The following MAD1L1 variants were observed in gnomAD, a reference collection of about 807,000 sequenced individuals.
The protein encoded by MAD1L1 is mitotic arrest deficient 1 like 1, also known as mitotic spindle assembly checkpoint protein MAD1.
A neutral mutation model predicts 96.9 loss-of-function variants in MAD1L1; 95 were observed. The ratio of observed to expected loss-of-function variants is 0.98; its 90% confidence interval spans 0.83 to 1.16. MAD1L1 has a LOEUF of 1.16. Ranked by LOEUF, MAD1L1 falls within the 50% of genes most tolerant of loss-of-function variation. The pLI is 0.00. For synonymous variants in MAD1L1, 473 were observed against 396.6 expected (o/e 1.19, Z -2.29); for missense variants, 1,007 against 954.4 (o/e 1.06, Z -0.73).
chr7:2,128,105 T>A (rs1788324321), intron 11 of MAD1L1, among the ~76,000 whole-genome samples: 1 of 152,168 alleles, frequency 6.6e-6, no homozygotes, highest in South Asian at 2.1e-4. Context: ...TCCGGCCTCA[T>A]CCCCTGTTGA....
Position 2,217,672 on chromosome 7 carries a change from T to C in MAD1L1, c.678+290A>G, listed in dbSNP as rs570180649. On this transcript the variant is annotated intron_variant, in intron 7 of 18. Transcript: ENST00000265854. Reference sequence around the variant, plus strand: ...AGCTTTCTCAACCTCTCTATGCCTGTAGCATCTTCTCACGCTCATCAGCAC... The same window carrying C: ...AGCTTTCTCAACCTCTCTATGCCTGCAGCATCTTCTCACGCTCATCAGCAC... Among the ~76,000 whole-genome samples the C allele has an allele frequency of 1.7e-3, 261 of 152,366 alleles. 1 individual carries two copies. The highest frequency in any genetic ancestry group is 5.9e-3 in the African/African-American group (246 of 41,590).
chr7:2,084,272 G>C (rs369797101), intron 11 of MAD1L1, among the ~76,000 whole-genome samples: 4 of 152,240 alleles, frequency 2.6e-5, no homozygotes, highest in East Asian at 3.9e-4. Flanking sequence ...CAAAGTCCAG[G>C]GGGGACAGAA....
At chr7:2,052,717 C>A (rs1300470048) in intron 12 of MAD1L1, among the ~76,000 whole-genome samples, 2 of 152,226 alleles carry the variant, frequency 1.3e-5, no homozygotes, top group African/African-American at 4.8e-5. Context: ...AAGGGGTACA[C>A]CATCAAAATA....
intron 10 of MAD1L1, among the ~76,000 whole-genome samples, chr7:2,154,359 A>C (rs1789721637): frequency 6.6e-6 from 1 of 152,220 alleles, no homozygotes; most frequent in South Asian, 2.1e-4. Flanking sequence ...CCACAGATGA[A>C]GAGAGTTGAG....
chr7:1,979,338 G>A (rs59513383), intron 15 of MAD1L1, among the ~76,000 whole-genome samples: 2,139 of 152,288 alleles, frequency 0.014, 43 homozygotes, highest in African/African-American at 0.049. Flanking sequence ...GATGCCCAGG[G>A]CCTGGCCTGC....
chr7:1,895,329 T>C (rs893074866), intron 18 of MAD1L1, among the ~76,000 whole-genome samples: 3 of 152,100 alleles, frequency 2.0e-5, no homozygotes, highest in African/African-American at 7.2e-5. Flanking sequence ...GTACCTGCTT[T>C]ACAGATGAGG....
chr7:1,981,179 C>T (rs1209058388), intron 14 of MAD1L1, among the ~76,000 whole-genome samples: 1 of 152,184 alleles, frequency 6.6e-6, no homozygotes, highest in Non-Finnish European at 1.5e-5. Context: ...GTTCTCCAGG[C>T]TGGTCTCGAA....
At chr7:2,127,389 G>C (rs1788282267) in intron 11 of MAD1L1, among the ~76,000 whole-genome samples, 1 of 152,214 alleles carries the variant, frequency 6.6e-6, no homozygotes, top group South Asian at 2.1e-4. Flanking sequence ...AGGGCAGCAG[G>C]GACAGCCCAG....
At chr7:1,992,175 A>T (rs1781383104) in intron 14 of MAD1L1, among the ~76,000 whole-genome samples, 2 of 142,426 alleles carry the variant, frequency 1.4e-5, no homozygotes, top group Non-Finnish European at 1.5e-5. Flanking sequence ...TGCTGGCCTC[A>T]TGAGCACCGC....
intron 10 of MAD1L1, among the ~76,000 whole-genome samples, chr7:2,158,644 C>T (rs1036774343): frequency 6.6e-6 from 1 of 152,248 alleles, no homozygotes; most frequent in Non-Finnish European, 1.5e-5. Context: ...GCATTCACAA[C>T]TGCAAAGTCA....
At chr7:1,854,389 C>A (rs767841662) in intron 18 of MAD1L1, 16 of 466,704 alleles carry the variant, frequency 3.4e-5, no homozygotes, top group African/African-American at 3.0e-4. Flanking sequence ...TTGGTCCACT[C>A]GGCCGCTGCA....
intron 18 of MAD1L1, among the ~76,000 whole-genome samples, chr7:1,887,858 T>TG (rs1562491912): frequency 1.8e-3 from 45 of 24,350 alleles, no homozygotes; most frequent in South Asian, 0.017. Flanking sequence ...CGTGTGTGTG[T>TG]GCACGTGTGT....
intron 12 of MAD1L1, among the ~76,000 whole-genome samples, chr7:2,021,736 G>T (rs1782797339): frequency 6.6e-6 from 1 of 151,812 alleles, no homozygotes; most frequent in Non-Finnish European, 1.5e-5. Context: ...CTGCACTCCA[G>T]CCTGGGCAAC....
intron 10 of MAD1L1, among the ~76,000 whole-genome samples, chr7:2,202,893 C>T (rs1022502347): frequency 6.6e-5 from 10 of 152,238 alleles, no homozygotes; most frequent in Non-Finnish European, 2.9e-5. Context: ...TGAGACTTGT[C>T]ATCTGACCAG....
At chr7:2,141,144 T>C (rs996437772) in intron 11 of MAD1L1, among the ~76,000 whole-genome samples, 1 of 152,214 alleles carries the variant, frequency 6.6e-6, no homozygotes, top group Non-Finnish European at 1.5e-5. Context: ...GTGCTCGCCT[T>C]GCGGGCTCTG....
At chr7:1,878,595 C>T (rs1027036894) in intron 18 of MAD1L1, among the ~76,000 whole-genome samples, 2 of 150,654 alleles carry the variant, frequency 1.3e-5, no homozygotes, top group African/African-American at 2.4e-5. Flanking sequence ...TGACAAAATT[C>T]GACTCTTAGC....
At chr7:1,886,453 T>G (rs1786035022) in intron 18 of MAD1L1, among the ~76,000 whole-genome samples, 1 of 152,188 alleles carries the variant, frequency 6.6e-6, no homozygotes, top group Non-Finnish European at 1.5e-5. Flanking sequence ...ACGCCCCAGC[T>G]AGACAGCAGG....
At chr7:2,067,203 CCGGGGT>C (rs1201996349) in intron 12 of MAD1L1, among the ~76,000 whole-genome samples, 26 of 130,532 alleles carry the variant, frequency 2.0e-4, no homozygotes, top group Admixed American at 5.7e-4. Flanking sequence ...TCGCAGGCAC[CCGGGGT>C]CATCAGGCCA....
intron 14 of MAD1L1, among the ~76,000 whole-genome samples, chr7:2,001,441 G>T (rs1226273750): frequency 2.6e-5 from 4 of 152,262 alleles, no homozygotes; most frequent in Admixed American, 6.5e-5. Context: ...GACACTGGAG[G>T]TCCAGAAACC....
Sources: gnomAD v4.1 joint callset for allele counts (sites outside exome capture counted in the v4.1 genomes callset) on GRCh38, gnomAD v4.1.1 for gene constraint, MANE v1.5 for transcripts, NCBI Gene and HGNC (gene_info 2026-07-23, HGNC 2026-07-21) for gene names.